The following ZNF670 variants were observed in gnomAD, a reference collection of about 807,000 sequenced individuals.
ZNF670 encodes the protein zinc finger protein 670.
A neutral mutation model predicts 10.9 loss-of-function variants in ZNF670; 7 were observed. The observed-to-expected ratio is 0.64, with a 90% CI of 0.36 to 1.20. The LOEUF (loss-of-function observed/expected upper bound fraction) is 1.20, where lower values mean the gene tolerates loss of function less well. Ranked by LOEUF, ZNF670 falls within the 50% of genes most tolerant of loss-of-function variation. The pLI is 0.02. For missense variants in ZNF670, 446 were observed against 458.6 expected, an observed-to-expected ratio of 0.97 and a Z score of 0.25; for synonymous variants, 136 against 152.7, an observed-to-expected ratio of 0.89 and a Z score of 0.81.
intron 1 of ZNF670, chr1:247,042,813 C>T (rs1483532986): frequency 4.5e-5 from 23 of 516,634 alleles, no homozygotes; most frequent in South Asian, 3.6e-4. Flanking sequence ...GACCCCACCA[C>T]GCTGTCTGAG....
At chr1:247,075,838 G>C (rs1671238999) in intron 1 of ZNF670, among the ~76,000 whole-genome samples, 1 of 152,096 alleles carries the variant, frequency 6.6e-6, no homozygotes, top group African/African-American at 2.4e-5. Context: ...CAAAGTCCTA[G>C]AATTCCATTT....
chr1:247,045,931 C>A (rs567458370), intron 1 of ZNF670, among the ~76,000 whole-genome samples: 14 of 152,144 alleles, frequency 9.2e-5, no homozygotes, highest in African/African-American at 3.1e-4. Context: ...CAAAGGTCAC[C>A]CATGTTACAC....
chr1:247,077,201 G>T (rs1671274466), intron 1 of ZNF670, among the ~76,000 whole-genome samples: 1 of 152,154 alleles, frequency 6.6e-6, no homozygotes, highest in Admixed American at 6.5e-5. Context: ...AATGCACCAG[G>T]GATTTGTTTT....
rs1288478973 is a variant in ZNF670 at position 247,035,495 on chromosome 1, GA to G, written c.*1953del. Among the ~76,000 whole-genome samples, 2 of 152,168 alleles carry G rather than the reference GA, an allele frequency of 1.3e-5. No individual in the cohort carries two copies. Among genetic ancestry groups the G allele is most frequent in the African/African-American group, 4.8e-5 (2 of 41,424 alleles). On this transcript the variant is annotated 3_prime_UTR_variant, in exon 4 of 4. Transcript: ENST00000366503. ...TGCATCTGTGGAATGGTAGGCAACT[GA>G]AATATGTTAGGCTACAGACTGATAA... is the stretch of plus-strand genomic sequence containing the variant.
At chr1:247,049,436 T>A (rs1208627657) in intron 1 of ZNF670, among the ~76,000 whole-genome samples, 1 of 152,222 alleles carries the variant, frequency 6.6e-6, no homozygotes, top group Non-Finnish European at 1.5e-5. Context: ...TCACTAATGG[T>A]ATATCAATTT....
intron 1 of ZNF670, among the ~76,000 whole-genome samples, chr1:247,061,234 T>G (rs1224053959): frequency 1.3e-5 from 2 of 148,492 alleles, no homozygotes; most frequent in African/African-American, 5.0e-5. Flanking sequence ...CAGGCTGGAG[T>G]GCAGAGGCGC....
In ZNF670 at chr1:247,035,846, G is replaced by C. The variant is rs74155740; in HGVS notation, c.*1603C>G. ...AATACTTGGGAACGGAAGTGCTTTG[G>C]ATTTCAGACTTTTAACATTTTGGAA... is the stretch of plus-strand genomic sequence containing the variant. On this transcript the variant is annotated 3_prime_UTR_variant, in exon 4 of 4. Transcript: ENST00000366503. Among the ~76,000 whole-genome samples, 2,447 of 152,250 alleles carry C rather than the reference G, an allele frequency of 0.016. 63 individuals are homozygous for C. The highest frequency in any genetic ancestry group is 0.056 in the African/African-American group (2,342 of 41,542).
intron 1 of ZNF670, among the ~76,000 whole-genome samples, chr1:247,054,982 GT>G (rs1670683036): frequency 6.6e-6 from 1 of 152,130 alleles, no homozygotes. Flanking sequence ...CTGGTCTTTG[GT>G]AAAACTCCTT....
Position 247,068,319 on chromosome 1 carries a change from C to CAAAAAAAAAAAAAAAAAAAA in ZNF670, c.3+10274_3+10275insTTTTTTTTTTTTTTTTTTTT, listed in dbSNP as rs74163724. Among the ~76,000 whole-genome samples the CAAAAAAAAAAAAAAAAAAAA allele has an allele frequency of 2.1e-3, 118 of 55,122 alleles. 6 individuals are homozygous for CAAAAAAAAAAAAAAAAAAAA. The highest frequency in any genetic ancestry group is 0.016 in the Middle Eastern group (1 of 62). The allele number at this position is 55,122 out of a possible 152,430, so 36.2% of individuals were successfully genotyped here. ...AGGTGACAGAGTAAGATTCTGTCTC[C>CAAAAAAAAAAAAAAAAAAAA]AAAAAAAAAAAAAAAAAAGATGGGC... On this transcript the variant is annotated intron_variant, in intron 1 of 3. Coordinates refer to ENST00000366503, the MANE Select transcript of ZNF670 (RefSeq NM_033213.5).
At chr1:247,053,279 G>T (rs1218810485) in intron 1 of ZNF670, among the ~76,000 whole-genome samples, 2 of 152,142 alleles carry the variant, frequency 1.3e-5, no homozygotes. Context: ...CCCTGTATCT[G>T]CACTTCCCTT....
At chr1:247,055,488 T>A (rs1047977421) in intron 1 of ZNF670, among the ~76,000 whole-genome samples, 9 of 152,200 alleles carry the variant, frequency 5.9e-5, no homozygotes, top group Non-Finnish European at 1.3e-4. Flanking sequence ...GACCCCCTTC[T>A]CTGCTGCAGA....
chr1:247,059,227 G>A (rs1053155935), intron 1 of ZNF670, among the ~76,000 whole-genome samples: 2 of 151,974 alleles, frequency 1.3e-5, no homozygotes, highest in African/African-American at 4.8e-5. Flanking sequence ...GGATCATGAG[G>A]TCAGGAGATC....
At chr1:247,075,035 T>C (rs1246644730) in intron 1 of ZNF670, among the ~76,000 whole-genome samples, 1 of 152,148 alleles carries the variant, frequency 6.6e-6, no homozygotes, top group Non-Finnish European at 1.5e-5. Flanking sequence ...TATAAAGAGC[T>C]CCTTTCATGG....
intron 1 of ZNF670, among the ~76,000 whole-genome samples, chr1:247,051,269 CA>C (rs71566688): frequency 4.7e-5 from 6 of 128,930 alleles, no homozygotes; most frequent in East Asian, 4.0e-4. Context: ...AAAAAAAAAA[CA>C]AAAAAAAAAC....
intron 1 of ZNF670, among the ~76,000 whole-genome samples, chr1:247,047,811 T>C (rs576422878): frequency 6.6e-6 from 1 of 152,328 alleles, no homozygotes; most frequent in South Asian, 2.1e-4. Flanking sequence ...GAGCTGTACA[T>C]TGGTCTCTTT....
At chr1:247,063,399 C>T (rs1223669372) in intron 1 of ZNF670, among the ~76,000 whole-genome samples, 11 of 151,630 alleles carry the variant, frequency 7.3e-5, no homozygotes, top group African/African-American at 9.7e-5. Context: ...CTGGCTAACA[C>T]GGTGAAACCC....
chr1:247,061,850 G>A (rs1306895899), intron 1 of ZNF670, among the ~76,000 whole-genome samples: 2 of 152,164 alleles, frequency 1.3e-5, no homozygotes, highest in African/African-American at 4.8e-5. Flanking sequence ...TAACCACAAT[G>A]TGCCAATATT....
chr1:247,045,263 A>G (rs550488454), intron 1 of ZNF670, among the ~76,000 whole-genome samples: 6 of 152,268 alleles, frequency 3.9e-5, no homozygotes, highest in Admixed American at 6.5e-5. Flanking sequence ...ACATCCACAA[A>G]CATTACCAGT....
rs200462237 is a variant in ZNF670, at chr1:247,038,014, C to A, written c.605G>T (p.Cys202Phe). The A allele has an allele frequency of 6.2e-7, 1 of 1,613,794 alleles. No individual in the cohort carries two copies. Among genetic ancestry groups the A allele is most frequent in the East Asian group, 2.2e-5 (1 of 44,866 alleles). The change falls in exon 4 of 4, where the codon TGT becomes TTT. Residue 202 changes from cysteine to phenylalanine, a missense_variant. Coordinates refer to ENST00000366503, the MANE Select transcript of ZNF670 (RefSeq NM_033213.5). ...ACTTGAATAATTGAAGGCTTTATCA[C>A]AATGTTTACATTTATATGTTTTCTC... ...TGEKTYKCKHCDKAFNYSSYL... is the reference protein window; with the variant it reads ...TGEKTYKCKHFDKAFNYSSYL...
Sources: allele counts gnomAD v4.1 joint callset (sites outside exome capture counted in the v4.1 genomes callset), GRCh38; gene constraint gnomAD v4.1.1; transcripts MANE v1.5; gene names NCBI Gene and HGNC (gene_info 2026-07-23, HGNC 2026-07-21).